The following SCARB2 variants were observed in gnomAD, a reference collection of about 807,000 sequenced individuals.
The protein encoded by SCARB2 is scavenger receptor class B member 2.
SCARB2 carries 29 observed loss-of-function variants against 58.6 expected under a neutral mutation model. That is an observed-to-expected ratio of 0.49 (90% CI 0.37 to 0.67). The LOEUF (loss-of-function observed/expected upper bound fraction) is 0.67, where lower values mean the gene tolerates loss of function less well. Ranked by LOEUF, SCARB2 falls within the 30% of genes least tolerant of loss-of-function variation. The pLI is 0.00. For synonymous variants in SCARB2, 195 were observed against 210.1 expected (o/e 0.93, Z 0.62); for missense variants, 488 against 578.5 (o/e 0.84, Z 1.60).
chr4:76,174,312 A>C lies in SCARB2; in HGVS notation c.826T>G (p.Ser276Ala), dbSNP rs188036542. ...LYVFPSDFCR[S>A]VYITFSDYES... is the part of the protein sequence containing the mutation. The stretch of plus-strand genomic sequence containing the variant: ...TAGTCACTGAAAGTAATATACACTG[A>C]CCTGTTAGGATGTAAGAATAAAAAG... Residue 276 changes from serine to alanine, a missense_variant and splice_region_variant, in exon 7 of 12, where the codon TCA becomes GCA. Coordinates refer to ENST00000264896, the MANE Select transcript of SCARB2 (RefSeq NM_005506.4). 9.3e-6 allele frequency: 15 copies of C among 1,614,008 alleles called. No individual in the cohort carries two copies. In the African/African-American group the frequency reaches 1.6e-4, roughly 17 times the overall value.
chr4:76,171,672 A>G (rs1027229933), intron 7 of SCARB2, among the ~76,000 whole-genome samples: 2 of 152,180 alleles, frequency 1.3e-5, no homozygotes, highest in African/African-American at 4.8e-5. Context: ...AAGAGAAAAT[A>G]TATCTACATT....
At chr4:76,165,846 A>AAAGAATTTAAC (rs1332561435) in intron 10 of SCARB2, 1 of 237,388 alleles carries the variant, frequency 4.2e-6, no homozygotes, top group Non-Finnish European at 8.3e-6. Context: ...GTGATTCAGA[A>AAAGAATTTAAC]AAGAATTTAT....
rs2109974931 is a variant in SCARB2 at position 76,213,816 on chromosome 4, C to T, written c.-273G>A. ...GCCGTGGCGCCCGCCTAGCGCAGCT[C>T]GGGAGAGTGCAGGGAGCGCGCAGGG... On this transcript the variant is annotated 5_prime_UTR_variant, in exon 1 of 12. Coordinates refer to ENST00000264896, the MANE Select transcript of SCARB2 (RefSeq NM_005506.4). The T allele has an allele frequency of 3.0e-6, 1 of 333,100 alleles. No homozygotes were observed. 20.6% of individuals were successfully genotyped at this position (333,100 alleles called of 1,614,324 possible).
intron 1 of SCARB2, among the ~76,000 whole-genome samples, chr4:76,203,695 C>T (rs965646919): frequency 6.6e-6 from 1 of 152,210 alleles, no homozygotes; most frequent in Non-Finnish European, 1.5e-5. Context: ...CAGGCTGACA[C>T]CTGACCTGCA....
intron 2 of SCARB2, among the ~76,000 whole-genome samples, chr4:76,188,105 G>C (rs1382091422): frequency 1.3e-5 from 2 of 152,114 alleles, no homozygotes; most frequent in East Asian, 3.8e-4. Context: ...AGTGCCCTTA[G>C]ACAAATTGTT....
chr4:76,227,665 T>C lies in SCARB2; in HGVS notation c.-358+6638A>G, dbSNP rs1733420950. Among the ~76,000 whole-genome samples the C allele has an allele frequency of 2.6e-5, 4 of 152,324 alleles. No individual in the cohort carries two copies. In the South Asian group the frequency reaches 8.3e-4, roughly 32 times the overall value. On this transcript the variant is annotated intron_variant, in intron 1 of 11. Transcript: ENST00000638295. Reference sequence around the variant, plus strand: ...TTATTGTGTTACCATCTATCTCATTTCTTAGGTCTAGTAATACATGTTTTA... The same window carrying C: ...TTATTGTGTTACCATCTATCTCATTCCTTAGGTCTAGTAATACATGTTTTA...
chr4:76,228,330 T>A (rs1468882254), intron 1 of SCARB2, among the ~76,000 whole-genome samples: 1 of 151,904 alleles, frequency 6.6e-6, no homozygotes, highest in Non-Finnish European at 1.5e-5. Flanking sequence ...AATACAAAAA[T>A]TAGCTGGGTG....
At chr4:76,230,784 A>G (rs1214141093) in intron 1 of SCARB2, among the ~76,000 whole-genome samples, 6 of 152,106 alleles carry the variant, frequency 3.9e-5, no homozygotes, top group Non-Finnish European at 7.4e-5. Flanking sequence ...AAAATCTGCC[A>G]TTCTTACCCA....
chr4:76,204,405 G>T (rs527745156), intron 1 of SCARB2, among the ~76,000 whole-genome samples: 1 of 152,112 alleles, frequency 6.6e-6, no homozygotes, highest in Admixed American at 6.5e-5. Context: ...TGATAGTTCA[G>T]ATTCAAATGT....
At chr4:76,222,547 A>G (rs1335026563) in intron 1 of SCARB2, among the ~76,000 whole-genome samples, 2 of 152,070 alleles carry the variant, frequency 1.3e-5, no homozygotes, top group Non-Finnish European at 2.9e-5. Context: ...TCTTCTCCTT[A>G]GTCCTTAACT....
intron 1 of SCARB2, among the ~76,000 whole-genome samples, chr4:76,223,034 C>T (rs1560727865): frequency 1.3e-5 from 2 of 152,150 alleles, no homozygotes; most frequent in Non-Finnish European, 2.9e-5. Context: ...ATGATAATTG[C>T]ACACCCCTTC....
chr4:76,174,246 G>A lies in SCARB2; in HGVS notation c.892C>T (p.Pro298Ser), dbSNP rs1316817158. The A allele has an allele frequency of 3.7e-6, 6 of 1,614,028 alleles. No individual in the cohort carries two copies. The highest frequency in any genetic ancestry group is 1.3e-5 in the African/African-American group (1 of 74,912). ...QGLPAFRYKV[P>S]AEILANTSDN... ...GACGTATTGGCTAATATTTCTGCAGGAACTTTATACCGAAAGGCAGGCAGT... is the reference window on the plus strand; with the variant it reads ...GACGTATTGGCTAATATTTCTGCAGAAACTTTATACCGAAAGGCAGGCAGT... Residue 298 changes from proline to serine, a missense_variant, in exon 7 of 12, where the codon CCT becomes TCT. Physicochemically the swap from Pro to Ser is moderately conservative, Grantham distance 74. Transcript: ENST00000264896.
intron 1 of SCARB2, among the ~76,000 whole-genome samples, chr4:76,227,512 T>C (rs1329176295): frequency 2.0e-5 from 3 of 152,240 alleles, no homozygotes; most frequent in African/African-American, 7.2e-5. Flanking sequence ...ATGAATATTC[T>C]GCAGTTGTTG....
chr4:76,184,755 A>G, intron 2 of SCARB2: 2 of 383,130 alleles, frequency 5.2e-6, no homozygotes, highest in Non-Finnish European at 5.0e-6. Flanking sequence ...GCATTCCAGC[A>G]TGAGCAACAG....
intron 1 of SCARB2, among the ~76,000 whole-genome samples, chr4:76,224,422 C>T (rs1265242463): frequency 6.6e-6 from 1 of 152,200 alleles, no homozygotes; most frequent in Non-Finnish European, 1.5e-5. Flanking sequence ...GATGATTACA[C>T]TTCAAAGGGT....
chr4:76,208,179 G>A (rs960580381), intron 1 of SCARB2, among the ~76,000 whole-genome samples: 1 of 152,130 alleles, frequency 6.6e-6, no homozygotes, highest in Non-Finnish European at 1.5e-5. Flanking sequence ...TGATTTAGAT[G>A]CATCTCCTAG....
chr4:76,180,739 T>A, intron 3 of SCARB2: 2 of 325,084 alleles, frequency 6.2e-6, no homozygotes, highest in Non-Finnish European at 1.1e-5. Flanking sequence ...TCCTAAAATC[T>A]GAATTTTGTC....
intron 8 of SCARB2, 24 bp from the exon 9 acceptor site, chr4:76,168,500 G>T (rs1354658842): frequency 1.3e-6 from 2 of 1,599,422 alleles, no homozygotes. Context: ...AAGTGAAAAG[G>T]AAACATTAGG....
At chr4:76,167,056 T>C (rs771205395) in intron 9 of SCARB2, among the ~76,000 whole-genome samples, 2 of 152,216 alleles carry the variant, frequency 1.3e-5, no homozygotes, top group Non-Finnish European at 2.9e-5. Context: ...CTCAACATTA[T>C]ATCATAATTT....
Sources: allele counts gnomAD v4.1 joint callset (sites outside exome capture counted in the v4.1 genomes callset), GRCh38; gene constraint gnomAD v4.1.1; transcripts MANE v1.5; gene names NCBI Gene and HGNC (gene_info 2026-07-23, HGNC 2026-07-21).